The following MIDEAS variants were observed in gnomAD, a reference collection of about 807,000 sequenced individuals.
MIDEAS encodes mitotic deacetylase-associated SANT domain protein.
A neutral mutation model predicts 102.7 loss-of-function variants in MIDEAS; 26 were observed. The observed-to-expected ratio is 0.25, with a 90% CI of 0.19 to 0.35. The LOEUF is 0.35. MIDEAS is among the 10% of genes least tolerant of loss of function. MIDEAS has a pLI of 1.00. For synonymous variants in MIDEAS, 585 were observed against 591.0 expected, an observed-to-expected ratio of 0.99 and a Z score of 0.15; for missense variants, 1,231 against 1,435.6, an observed-to-expected ratio of 0.86 and a Z score of 2.30.
At position 73,729,890 on chromosome 14, in the gene MIDEAS, C is replaced by T. The variant is rs369148456; in HGVS notation, c.1845G>A (p.Ala615=). ...AGACGGGAGGGGCGATGAAAGTGCC[C>T]GCCTTGGTGGGGATGATGAGGGGCT... ...RPEPLIIPTK[A]GTFIAPPVYS... The change falls in exon 4 of 13, where the codon GCG becomes GCA. Residue 615 remains alanine (A), a synonymous_variant. Transcript: ENST00000423556. 1.2e-5 allele frequency: 19 copies of T among 1,613,204 alleles called. No homozygotes were observed. The highest frequency in any genetic ancestry group is 7.7e-5 in the South Asian group (7 of 91,048).
chr14:73,720,942 A>ATGCTC (rs1467023580), intron 11 of MIDEAS, among the ~76,000 whole-genome samples: 1 of 152,074 alleles, frequency 6.6e-6, no homozygotes, highest in African/African-American at 2.4e-5. Flanking sequence ...CAAACCACCA[A>ATGCTC]TGCTCCCTCA....
intron 1 of MIDEAS, among the ~76,000 whole-genome samples, chr14:73,776,529 CAAAAAAAA>C (rs71460920): frequency 1.8e-5 from 2 of 113,226 alleles, no homozygotes; most frequent in Admixed American, 8.7e-5. Context: ...GTTTAAATTA[CAAAAAAAA>C]AAAAAAAAAA....
At chr14:73,780,651 TGGCTGTTCAAAGA>T (rs1390092467) in intron 1 of MIDEAS, among the ~76,000 whole-genome samples, 1 of 152,224 alleles carries the variant, frequency 6.6e-6, no homozygotes, top group East Asian at 1.9e-4. Context: ...CTGCATTAAC[TGGCTGTTCAAAGA>T]GTGCCATGCC....
chr14:73,725,137 G>T lies in MIDEAS; in HGVS notation c.2574+135C>A. On this transcript the variant is annotated intron_variant, in intron 9 of 12. Coordinates refer to ENST00000423556, the MANE Select transcript of MIDEAS (RefSeq NM_001367710.1). The surrounding 1 kb of genome is among the most constrained non-coding windows in gnomAD (Gnocchi z 4.1). ...TCTTTCTCTTTCTTGTATTGTTTAGGAAATTCTCTCTGAGGCTACTCAGTA... is the reference window on the plus strand; with the variant it reads ...TCTTTCTCTTTCTTGTATTGTTTAGTAAATTCTCTCTGAGGCTACTCAGTA... 1 of 698,406 alleles carries T rather than the reference G, an allele frequency of 1.4e-6. No homozygotes were observed. The highest frequency in any genetic ancestry group is 2.6e-6 in the Non-Finnish European group (1 of 385,274). 43.3% of individuals were successfully genotyped at this position (698,406 alleles called of 1,614,324 possible). A position where few individuals can be genotyped will look rare whatever the true frequency, so the allele number is the denominator to read the frequency against.
chr14:73,768,832 C>T (rs1420508193), intron 1 of MIDEAS, among the ~76,000 whole-genome samples: 2 of 152,112 alleles, frequency 1.3e-5, no homozygotes, highest in Non-Finnish European at 2.9e-5. Flanking sequence ...AAAATCAGAA[C>T]TTCTGGCTTG....
At chr14:73,773,636 T>C (rs948690111) in intron 1 of MIDEAS, among the ~76,000 whole-genome samples, 1 of 151,840 alleles carries the variant, frequency 6.6e-6, no homozygotes, top group African/African-American at 2.4e-5. Context: ...CTGCAAACAA[T>C]ATAAGCCCTG....
rs984863536 is a variant in MIDEAS at position 73,736,503 on chromosome 14, C to T, written c.1749+495G>A. Among the ~76,000 whole-genome samples the T allele has an allele frequency of 4.1e-4, 62 of 151,654 alleles. 1 individual carries two copies. Among genetic ancestry groups the T allele is most frequent in the Middle Eastern group, 6.8e-3 (2 of 294 alleles). On this transcript the variant is annotated intron_variant, in intron 3 of 12. Transcript: ENST00000423556. The stretch of plus-strand genomic sequence containing the variant: ...AAAATTAGCTGGGCGCGGTGGTGGG[C>T]GCCTATAGTCCCAGCTACTCGGGAG...
At chr14:73,749,260 G>A (rs1029867664) in intron 1 of MIDEAS, among the ~76,000 whole-genome samples, 1 of 146,942 alleles carries the variant, frequency 6.8e-6, no homozygotes, top group Admixed American at 6.8e-5. Context: ...GAGCAGGCCC[G>A]GCACAGTGGT....
intron 1 of MIDEAS, among the ~76,000 whole-genome samples, chr14:73,744,682 T>C (rs1333201657): frequency 6.6e-6 from 1 of 150,522 alleles, no homozygotes; most frequent in Non-Finnish European, 1.5e-5. Context: ...CTGCAGACCT[T>C]GGCTCCTGCC....
chr14:73,771,795 A>T (rs972705528), intron 1 of MIDEAS, among the ~76,000 whole-genome samples: 1 of 152,210 alleles, frequency 6.6e-6, no homozygotes, highest in African/African-American at 2.4e-5. Context: ...ACTTCAATTA[A>T]TATGTGCAAC....
At chr14:73,780,465 G>A (rs565246358) in intron 1 of MIDEAS, among the ~76,000 whole-genome samples, 43 of 152,342 alleles carry the variant, frequency 2.8e-4, no homozygotes, top group African/African-American at 9.4e-4. Flanking sequence ...TGGTTTATAA[G>A]GGACTATTCC....
chr14:73,729,180 A>G (rs1418744997), intron 4 of MIDEAS: 2 of 155,884 alleles, frequency 1.3e-5, no homozygotes, highest in African/African-American at 4.8e-5. Context: ...ATCTGCCACA[A>G]AGGACTATGA....
At chr14:73,746,012 C>T (rs1012087791) in intron 1 of MIDEAS, among the ~76,000 whole-genome samples, 3 of 152,254 alleles carry the variant, frequency 2.0e-5, no homozygotes, top group Admixed American at 6.5e-5. Flanking sequence ...AGCCATCAAG[C>T]TGCTCAGGAT....
intron 3 of MIDEAS, among the ~76,000 whole-genome samples, chr14:73,732,190 G>T (rs2053147280): frequency 6.7e-6 from 1 of 148,380 alleles, no homozygotes; most frequent in African/African-American, 2.4e-5. Context: ...CAAGAACCCA[G>T]AGAGCAGAGA....
intron 1 of MIDEAS, among the ~76,000 whole-genome samples, chr14:73,757,767 G>GCCCT (rs1310448393): frequency 6.6e-6 from 1 of 152,204 alleles, no homozygotes. Flanking sequence ...GACACAGGAG[G>GCCCT]CCCTCAGCTG....
chr14:73,730,016 A>G (rs913365800), intron 3 of MIDEAS, 31 bp from the exon 4 acceptor site: 11 of 1,600,968 alleles, frequency 6.9e-6, no homozygotes, highest in Non-Finnish European at 9.4e-6. Flanking sequence ...AGGACGGCTC[A>G]GCCCCCCGTG....
intron 1 of MIDEAS, among the ~76,000 whole-genome samples, chr14:73,747,632 T>C (rs1475724950): frequency 6.8e-6 from 1 of 147,624 alleles, no homozygotes; most frequent in Non-Finnish European, 1.5e-5. Flanking sequence ...CAGTGGTTCT[T>C]AAACCTCAGT....
In MIDEAS at chr14:73,718,994, A is replaced by T; in HGVS notation, c.3149T>A (p.Val1050Glu). 6.7e-7 allele frequency: 1 copy of T among 1,489,604 alleles called. No homozygotes were observed. Among genetic ancestry groups the T allele is most frequent in the Middle Eastern group, 1.7e-4 (1 of 5,756 alleles). The allele number at this position is 1,489,604 out of a possible 1,614,324, so 92.3% of individuals were successfully genotyped here. Residue 1050 changes from valine to glutamate, a missense_variant, in exon 13 of 13, where the codon GTG becomes GAG. Transcript: ENST00000423556. ...CKKCGRVFYK[V>E]KSRSAHMKSH... is the part of the protein sequence containing the mutation. ...CTTCATATGCGCACTGCGGCTCTTC[A>T]CCTTGTAAAACACCCTGCAGCCGGG...
chr14:73,736,903 C>A (rs937609457), intron 3 of MIDEAS, 95 bp downstream of exon 3: 3 of 1,282,582 alleles, frequency 2.3e-6, no homozygotes, highest in Non-Finnish European at 3.3e-6. Context: ...TTCCCTGATA[C>A]CTTCCTACAT....
Sources: allele counts gnomAD v4.1 joint callset (sites outside exome capture counted in the v4.1 genomes callset), GRCh38; gene constraint gnomAD v4.1.1; non-coding constraint Gnocchi (gnomAD v3.1); transcripts MANE v1.5; gene names NCBI Gene and HGNC (gene_info 2026-07-23, HGNC 2026-07-21).